The following PEX5 variants were observed in gnomAD, a reference collection of about 807,000 sequenced individuals.
The protein encoded by PEX5 is peroxisomal biogenesis factor 5.
Under a neutral mutation model 82.9 loss-of-function variants are expected in PEX5, and 52 were observed. The ratio of observed to expected loss-of-function variants is 0.63; its 90% CI spans 0.50 to 0.79. PEX5 has a LOEUF of 0.79. PEX5 is among the 30% of genes least tolerant of loss of function. PEX5 has a pLI of 0.00. For missense variants in PEX5, 719 were observed against 815.2 expected (o/e 0.88, Z 1.44); for synonymous variants, 300 against 318.8 (o/e 0.94, Z 0.63).
At position 7,191,363 on chromosome 12, in the gene PEX5, G is replaced by A. The variant is rs1212758404; in HGVS notation, c.316+5G>A. On this transcript the variant is annotated splice_donor_5th_base_variant and intron_variant, in intron 4 of 15. Transcript: ENST00000675855. Reference sequence around the variant, plus strand: ...TCCGCCAGGCTCCCCAGAGAGGTGAGTCCAGAGTCTAGTGGGAGGGGAGAT... The same window carrying A: ...TCCGCCAGGCTCCCCAGAGAGGTGAATCCAGAGTCTAGTGGGAGGGGAGAT... The A allele has an allele frequency of 4.3e-6, 7 of 1,614,176 alleles. No homozygotes were observed. Among genetic ancestry groups the A allele is most frequent in the Non-Finnish European group, 5.9e-6 (7 of 1,180,028 alleles).
chr12:7,215,702 A>T (rs1340313092), downstream of PEX5, among the ~76,000 whole-genome samples: 4 of 152,162 alleles, frequency 2.6e-5, no homozygotes, highest in Non-Finnish European at 5.9e-5. Flanking sequence ...AGTACACATG[A>T]ACATAAAGAT....
At chr12:7,195,753 G>A (rs1358938678) in intron 5 of PEX5, among the ~76,000 whole-genome samples, 1 of 151,090 alleles carries the variant, frequency 6.6e-6, no homozygotes, top group Non-Finnish European at 1.5e-5. Context: ...GAGTTGAGGA[G>A]GTAGTAGTTA....
chr12:7,209,197 G>A (rs967422537), intron 14 of PEX5, 27 bp downstream of exon 14: 1 of 1,609,194 alleles, frequency 6.2e-7, no homozygotes, highest in East Asian at 2.2e-5. Flanking sequence ...AATGGAAATG[G>A]GACATGACTG....
chr12:7,209,715 C>T lies in PEX5; in HGVS notation c.1593C>T (p.Thr531=), dbSNP rs2136255032. The T allele has an allele frequency of 1.2e-6, 2 of 1,613,096 alleles. No homozygotes were observed. The highest frequency in any genetic ancestry group is 8.5e-7 in the Non-Finnish European group (1 of 1,179,782). ...DYLLWNKLGA[T]LANGNQSEEA... ...TGCTGTGGAATAAGCTAGGCGCCACCCTGGCCAATGGAAACCAGAGTGAAG... is the reference window on the plus strand; with the variant it reads ...TGCTGTGGAATAAGCTAGGCGCCACTCTGGCCAATGGAAACCAGAGTGAAG... Residue 531 remains threonine, a synonymous_variant, in exon 15 of 16, where the codon ACC becomes ACT. Coordinates refer to ENST00000675855, the MANE Select transcript of PEX5 (RefSeq NM_001351132.2).
rs564394343 is a variant in PEX5 at position 7,198,775 on chromosome 12, C to T, written c.449-236C>T. ...TCCTGAGATTCCTTATTTGATCTCC[C>T]GTTCCCAACTCTCAGTAAATTTCTG... On this transcript the variant is annotated intron_variant, in intron 5 of 15. Coordinates refer to ENST00000675855, the MANE Select transcript of PEX5 (RefSeq NM_001351132.2). Among the ~76,000 whole-genome samples, 43 of 152,242 alleles carry T rather than the reference C, an allele frequency of 2.8e-4. 1 individual carries two copies. In the South Asian group the frequency reaches 8.3e-3, roughly 29 times the overall value.
rs760739093 is a variant in PEX5 at position 7,210,315 on chromosome 12, G to A, written c.*92G>A. ...CCCCAAATGGGCCTACCAAGGGGGC[G>A]GGCTGATGACCATAAGCGGTACGGC... On this transcript the variant is annotated 3_prime_UTR_variant, in exon 16 of 16. Transcript: ENST00000675855. The A allele has an allele frequency of 3.9e-5, 49 of 1,246,252 alleles. No individual in the cohort carries two copies. In the Admixed American group the frequency reaches 4.1e-4, roughly 10 times the overall value. The allele number at this position is 1,246,252 out of a possible 1,614,324, so 77.2% of individuals were successfully genotyped here.
In PEX5 at chr12:7,210,013, TC is replaced by T; in HGVS notation, c.1719-7del. ...GCTTAACAGCTCTCATTCCTCTTCT[TC>T]CTTACAGGGAGGCTGTGGAGCACTT... On this transcript the variant is annotated splice_region_variant and splice_polypyrimidine_tract_variant and intron_variant, in intron 15 of 15. Transcript: ENST00000675855. The T allele has an allele frequency of 2.5e-6, 4 of 1,614,054 alleles. No homozygotes were observed. Among genetic ancestry groups the T allele is most frequent in the Non-Finnish European group, 3.4e-6 (4 of 1,179,948 alleles).
At chr12:7,200,626 G>A (rs370985381) in intron 6 of PEX5, among the ~76,000 whole-genome samples, 2 of 151,876 alleles carry the variant, frequency 1.3e-5, no homozygotes, top group Non-Finnish European at 2.9e-5. Context: ...ACGAGACTCC[G>A]TCTGCAATCC....
At chr12:7,191,194 A>C (rs767874558) in intron 3 of PEX5, 32 bp from the exon 4 acceptor site, 2 of 1,613,950 alleles carry the variant, frequency 1.2e-6, no homozygotes, top group East Asian at 2.2e-5. Context: ...TCCCAAGCCT[A>C]TGGGTTCATT....
At position 7,210,622 on chromosome 12, in the gene PEX5, C is replaced by A. The variant is rs1386166402; in HGVS notation, c.*399C>A. 2.9e-6 allele frequency: 1 copy of A among 346,022 alleles called. No individual in the cohort carries two copies. Among genetic ancestry groups the A allele is most frequent in the African/African-American group, 2.1e-5 (1 of 47,010 alleles). 21.4% of individuals were successfully genotyped at this position (346,022 alleles called of 1,614,324 possible). On this transcript the variant is annotated 3_prime_UTR_variant, in exon 16 of 16. Transcript: ENST00000675855. ...CTTTTACTGGGAATTGATAGTCCAG[C>A]TTCCTTGGGCAGTGTAAGTAGGAGG...
chr12:7,212,541 CA>C (rs1271337265), downstream of PEX5, among the ~76,000 whole-genome samples: 3 of 149,938 alleles, frequency 2.0e-5, no homozygotes, highest in African/African-American at 7.4e-5. Context: ...GTAAATTGTC[CA>C]GACAGTGAAA....
intron 5 of PEX5, among the ~76,000 whole-genome samples, chr12:7,197,176 A>G (rs776234064): frequency 1.8e-5 from 2 of 108,712 alleles, no homozygotes; most frequent in Non-Finnish European, 3.7e-5. Context: ...ATGTAATTAT[A>G]TATGTCATAT....
chr12:7,201,998 C>T, intron 7 of PEX5, 157 bp downstream of exon 7: 3 of 753,368 alleles, frequency 4.0e-6, no homozygotes, highest in South Asian at 1.5e-5. Flanking sequence ...CCTGCCTCTT[C>T]CTTCTAGTGT....
In PEX5 at chr12:7,209,685, C is replaced by CTATT. The variant is rs752569856; in HGVS notation, c.1565_1568dup (p.Leu524PhefsTer5). The CTATT allele has an allele frequency of 8.9e-7, 1 of 1,126,172 alleles. No individual in the cohort carries two copies. The highest frequency in any genetic ancestry group is 1.6e-5 in the South Asian group (1 of 61,254). The allele number at this position is 1,126,172 out of a possible 1,614,324, so 69.8% of individuals were successfully genotyped here. ...TCCGTTCTGCATCCCTATCCCAGGA[C>CTATT]TATTTGCTGTGGAATAAGCTAGGCG... On this transcript the variant is annotated frameshift_variant, in exon 15 of 16. Coordinates refer to ENST00000675855, the MANE Select transcript of PEX5 (RefSeq NM_001351132.2). LOFTEE classifies it high-confidence loss of function.
intron 6 of PEX5, among the ~76,000 whole-genome samples, chr12:7,200,725 C>CA (rs1339779062): frequency 2.0e-5 from 3 of 152,138 alleles, no homozygotes; most frequent in African/African-American, 7.2e-5. Flanking sequence ...CCGTCTCCAC[C>CA]AAAAAAATAC....
chr12:7,217,351 T>C (rs1430838245), intron 17 of PEX5, among the ~76,000 whole-genome samples: 3 of 152,258 alleles, frequency 2.0e-5, no homozygotes, highest in Admixed American at 1.3e-4. Context: ...CTGACTATTC[T>C]GTGGATTGGC....
intron 5 of PEX5, among the ~76,000 whole-genome samples, chr12:7,197,922 G>T (rs1275457355): frequency 2.0e-5 from 3 of 152,172 alleles, no homozygotes; most frequent in Non-Finnish European, 4.4e-5. Context: ...AATAGCAGGG[G>T]AAGGTGGTGG....
downstream of PEX5, among the ~76,000 whole-genome samples, chr12:7,215,053 CACTAAG>C (rs1216548319): frequency 6.6e-6 from 1 of 152,046 alleles, no homozygotes; most frequent in Non-Finnish European, 1.5e-5. Flanking sequence ...AATTTGCAGT[CACTAAG>C]GCTAAGGTTA....
intron 6 of PEX5, among the ~76,000 whole-genome samples, chr12:7,200,102 T>G (rs1943561589): frequency 7.0e-6 from 1 of 142,828 alleles, no homozygotes; most frequent in Non-Finnish European, 1.5e-5. Flanking sequence ...ACGGGGTGGC[T>G]GCCGGGCGGA....
Sources: gnomAD v4.1 joint callset for allele counts (sites outside exome capture counted in the v4.1 genomes callset) on GRCh38, gnomAD v4.1.1 for gene constraint, MANE v1.5 for transcripts, NCBI Gene and HGNC (gene_info 2026-07-23, HGNC 2026-07-21) for gene names.